The following RREB1 variants were observed in gnomAD, a reference collection of about 807,000 sequenced individuals.
The protein encoded by RREB1 is ras responsive element binding protein 1.
Under a neutral mutation model 117.8 loss-of-function variants are expected in RREB1, and 27 were observed. The ratio of observed to expected loss-of-function variants is 0.23; its 90% CI spans 0.17 to 0.32. The LOEUF (loss-of-function observed/expected upper bound fraction) is 0.32. RREB1 is among the 10% of genes least tolerant of loss of function. The probability of loss-of-function intolerance (pLI) is 1.00; values close to 1 mark genes in which losing one functional copy is unlikely to be tolerated. For missense variants in RREB1, 2,577 were observed against 2,378.2 expected (o/e 1.08, Z -1.74); for synonymous variants, 1,298 against 1,026.7 (o/e 1.26, Z -5.05).
chr6:7,125,932 G>GT (rs1178915559), intron 1 of RREB1, among the ~76,000 whole-genome samples: 1 of 152,168 alleles, frequency 6.6e-6, no homozygotes, highest in African/African-American at 2.4e-5. Context: ...CTGAATTACG[G>GT]TAAGTACTTC....
chr6:7,231,128 G>C lies in RREB1; in HGVS notation c.3029G>C (p.Gly1010Ala), dbSNP rs756650259. The change falls in exon 10 of 13, where the codon GGC becomes GCC. Residue 1010 changes from glycine (G) to alanine (A), a missense_variant. Transcript: ENST00000379938. ...TPEPPAQPLQ[G>A]PVQLAVPIYS... ...GAACCCCCAGCACAGCCCCTGCAGGGCCCTGTTCAGCTGGCGGTCCCAATC... is the reference window on the plus strand; with the variant it reads ...GAACCCCCAGCACAGCCCCTGCAGGCCCCTGTTCAGCTGGCGGTCCCAATC... The C allele has an allele frequency of 6.2e-7, 1 of 1,612,644 alleles. No homozygotes were observed. Among genetic ancestry groups the C allele is most frequent in the Non-Finnish European group, 8.5e-7 (1 of 1,179,910 alleles).
intron 1 of RREB1, among the ~76,000 whole-genome samples, chr6:7,113,382 T>C (rs112514904): frequency 6.6e-6 from 1 of 152,374 alleles, no homozygotes; most frequent in South Asian, 2.1e-4. Context: ...AGAATTGTTA[T>C]GAAAGTGTCT....
chr6:7,170,760 A>T (rs1764167950), intron 1 of RREB1, among the ~76,000 whole-genome samples: 1 of 152,092 alleles, frequency 6.6e-6, no homozygotes, highest in African/African-American at 2.4e-5. Context: ...TTTGTCTCTG[A>T]CCCAGGGCCT....
chr6:7,114,068 G>T (rs1270536422), intron 1 of RREB1, among the ~76,000 whole-genome samples: 1 of 152,176 alleles, frequency 6.6e-6, no homozygotes, highest in African/African-American at 2.4e-5. Flanking sequence ...GGGAAATGCA[G>T]CACTTTGTTT....
intron 6 of RREB1, among the ~76,000 whole-genome samples, chr6:7,209,246 G>C (rs1272863556): frequency 6.6e-6 from 1 of 152,150 alleles, no homozygotes; most frequent in Non-Finnish European, 1.5e-5. Context: ...GTAGAAAAGG[G>C]CGTGGATTTT....
chr6:7,194,623 A>G (rs1561773901), intron 6 of RREB1, among the ~76,000 whole-genome samples: 1 of 152,194 alleles, frequency 6.6e-6, no homozygotes, highest in East Asian at 1.9e-4. Flanking sequence ...CTTGAATCAG[A>G]GGAGAGGACT....
intron 1 of RREB1, among the ~76,000 whole-genome samples, chr6:7,139,567 G>A (rs1762476091): frequency 6.6e-6 from 1 of 152,182 alleles, no homozygotes; most frequent in Admixed American, 6.5e-5. Context: ...TATAACCTAT[G>A]TGTAGCTATT....
Position 7,248,864 on chromosome 6 carries a change from C to A in RREB1, c.5125C>A (p.Pro1709Thr), listed in dbSNP as rs765305567. 6.2e-7 allele frequency: 1 copy of A among 1,601,008 alleles called. No individual in the cohort carries two copies. Among genetic ancestry groups the A allele is most frequent in the Admixed American group, 1.7e-5 (1 of 58,206 alleles). Residue 1709 changes from proline (P) to threonine (T), a missense_variant, in exon 13 of 13, where the codon CCG becomes ACG. Coordinates refer to ENST00000379938, the MANE Select transcript of RREB1 (RefSeq NM_001003699.4). The part of the protein sequence containing the change: ...PGQGDLNPES[P>T]AALGQDLLEP... ...CCAGGGTGACCTTAACCCAGAGAGC[C>A]CGGCGGCCCTGGGGCAGGACCTGCT...
intron 1 of RREB1, among the ~76,000 whole-genome samples, chr6:7,117,640 C>T (rs1456358285): frequency 6.6e-6 from 1 of 151,982 alleles, no homozygotes; most frequent in Non-Finnish European, 1.5e-5. Flanking sequence ...AACTCCTGAC[C>T]TCAGGTGATC....
At chr6:7,215,394 T>C (rs1175477019) in intron 8 of RREB1, 1 of 152,222 alleles carries the variant, frequency 6.6e-6, no homozygotes, top group Admixed American at 6.5e-5. Flanking sequence ...TGGTGTCCAG[T>C]GACATGATTA....
rs370939727 is a variant in RREB1, at chr6:7,210,179, T to A, written c.426-625T>A. Among the ~76,000 whole-genome samples the A allele has an allele frequency of 1.4e-4, 21 of 152,356 alleles. 1 individual carries two copies. The South Asian group carries it at 3.7e-3, about 27-fold the overall frequency. On this transcript the variant is annotated intron_variant, in intron 6 of 12. Transcript: ENST00000379938. ...ATGGGTAGCCTAGTCCTGTAGATAT[T>A]AGAGTTACCACATGTAACTTTTTCA... is the stretch of plus-strand genomic sequence containing the variant.
intron 1 of RREB1, among the ~76,000 whole-genome samples, chr6:7,152,963 T>C (rs1397165951): frequency 1.3e-5 from 2 of 152,208 alleles, no homozygotes; most frequent in African/African-American, 4.8e-5. Flanking sequence ...TACATACTTC[T>C]TAGTTCCCTC....
At chr6:7,175,901 C>G (rs1318154736) in intron 1 of RREB1, among the ~76,000 whole-genome samples, 1 of 152,176 alleles carries the variant, frequency 6.6e-6, no homozygotes, top group African/African-American at 2.4e-5. Context: ...CTTTAAGGCA[C>G]TGTTTAGTTG....
intron 6 of RREB1, among the ~76,000 whole-genome samples, chr6:7,199,762 C>T (rs1473112725): frequency 6.6e-6 from 1 of 152,100 alleles, no homozygotes; most frequent in African/African-American, 2.4e-5. Flanking sequence ...CTCCCAGGCT[C>T]AAGCGATCCT....
rs559343155 is a variant in RREB1 at position 7,153,237 on chromosome 6, A to AT, written c.-284-23409dup. Among the ~76,000 whole-genome samples the AT allele has an allele frequency of 2.8e-3, 422 of 148,142 alleles. 1 individual carries two copies. Among genetic ancestry groups the AT allele is most frequent in the African/African-American group, 1.0e-2 (402 of 40,360 alleles). On this transcript the variant is annotated intron_variant, in intron 1 of 12. Coordinates refer to ENST00000379938, the MANE Select transcript of RREB1 (RefSeq NM_001003699.4). ...ATGTTCCTAGATTAGTAGAACTATT[A>AT]TTTTTTTTTAAAAAAAGTAGCTTTG...
rs201989850 is a variant in RREB1 at position 7,246,968 on chromosome 6, G to A, written c.4518G>A (p.Glu1506=). ...AGAAGCCCCCCGAGACCCCGGCAGAGGTGGTGGAGTCGGCCCCGGGTGCCG... is the reference window on the plus strand; with the variant it reads ...AGAAGCCCCCCGAGACCCCGGCAGAAGTGGTGGAGTCGGCCCCGGGTGCCG... ...QEEKPPETPA[E]VVESAPGAGE... Residue 1506 remains glutamate, a synonymous_variant, in exon 12 of 13, where the codon GAG becomes GAA. Transcript: ENST00000379938. The A allele has an allele frequency of 2.5e-5, 40 of 1,577,238 alleles. No individual in the cohort carries two copies. Among genetic ancestry groups the A allele is most frequent in the Admixed American group, 7.3e-5 (4 of 54,636 alleles).
At chr6:7,145,971 CTCTT>C (rs1762834883) in intron 1 of RREB1, among the ~76,000 whole-genome samples, 1 of 144,418 alleles carries the variant, frequency 6.9e-6, no homozygotes, top group Non-Finnish European at 1.5e-5. Flanking sequence ...GCCTTCCTCT[CTCTT>C]TCTCTCTCTC....
chr6:7,124,964 C>A (rs1265352194), intron 1 of RREB1, among the ~76,000 whole-genome samples: 1 of 152,234 alleles, frequency 6.6e-6, no homozygotes, highest in African/African-American at 2.4e-5. Context: ...CAAACAAGAA[C>A]TCACTGAAAA....
At chr6:7,137,973 C>G (rs1270923039) in intron 1 of RREB1, among the ~76,000 whole-genome samples, 1 of 152,156 alleles carries the variant, frequency 6.6e-6, no homozygotes, top group Non-Finnish European at 1.5e-5. Context: ...AATAGCCCTC[C>G]TCACTCACTT....
Sources: gnomAD v4.1 joint callset for allele counts (sites outside exome capture counted in the v4.1 genomes callset) on GRCh38, gnomAD v4.1.1 for gene constraint, MANE v1.5 for transcripts, NCBI Gene and HGNC (gene_info 2026-07-23, HGNC 2026-07-21) for gene names.